Variants in THADA observed in about 807,000 individuals in gnomAD.
The protein encoded by THADA is tRNA (32-2'-O)-methyltransferase regulator THADA.
A neutral mutation model predicts 219.8 loss-of-function variants in THADA; 213 were observed. The observed-to-expected ratio is 0.97, with a 90% confidence interval of 0.87 to 1.09. The LOEUF (loss-of-function observed/expected upper bound fraction) is 1.09. THADA is among the 50% of genes least tolerant of loss of function. The pLI, the probability that THADA is intolerant of heterozygous loss-of-function variation, is 0.00. For missense variants in THADA, 2,956 were observed against 2,311.3 expected (o/e 1.28, Z -5.72); for synonymous variants, 1,018 against 828.9 (o/e 1.23, Z -3.92).
chr2:43,546,684 G>A (rs1462447693), intron 20 of THADA, among the ~76,000 whole-genome samples: 1 of 151,964 alleles, frequency 6.6e-6, no homozygotes, highest in Non-Finnish European at 1.5e-5. Context: ...CCGAGACTAG[G>A]ATTGCAACCC....
intron 29 of THADA, among the ~76,000 whole-genome samples, chr2:43,353,990 T>G (rs1668585049): frequency 6.6e-6 from 1 of 151,930 alleles, no homozygotes; most frequent in Non-Finnish European, 1.5e-5. Flanking sequence ...GCTAATTTTT[T>G]GTATTTTTAG....
chr2:43,324,368 G>A (rs1199015444), intron 30 of THADA, among the ~76,000 whole-genome samples: 3 of 152,174 alleles, frequency 2.0e-5, no homozygotes, highest in African/African-American at 7.2e-5. Flanking sequence ...GAGGCTTGGG[G>A]CCAAGTGTGA....
intron 17 of THADA, among the ~76,000 whole-genome samples, chr2:43,554,228 T>G (rs537472479): frequency 5.3e-5 from 8 of 152,208 alleles, no homozygotes; most frequent in Non-Finnish European, 1.2e-4. Flanking sequence ...TTCCAAGAAT[T>G]TTATAGTTTT....
chr2:43,495,055 T>C (rs1688096637), intron 25 of THADA, among the ~76,000 whole-genome samples: 1 of 152,178 alleles, frequency 6.6e-6, no homozygotes, highest in African/African-American at 2.4e-5. Context: ...AGAGGATGTG[T>C]ACAAATCAAA....
At chr2:43,569,972 C>T (rs899232077) in intron 14 of THADA, among the ~76,000 whole-genome samples, 3 of 152,218 alleles carry the variant, frequency 2.0e-5, no homozygotes, top group Admixed American at 6.5e-5. Flanking sequence ...GCTCCCTCCA[C>T]AGCTGGACCA....
intron 36 of THADA, among the ~76,000 whole-genome samples, chr2:43,245,029 G>C (rs143022980): frequency 6.6e-6 from 1 of 152,264 alleles, no homozygotes; most frequent in Non-Finnish European, 1.5e-5. Flanking sequence ...TCCTCTGCCT[G>C]GGCAGAGTTC....
At chr2:43,443,005 G>C (rs10445925) in intron 26 of THADA, among the ~76,000 whole-genome samples, 32,230 of 152,076 alleles carry the variant, frequency 0.21, 3,569 homozygotes, top group Middle Eastern at 0.26. Context: ...CTCAAGTCTA[G>C]CTTAGGTACC....
chr2:43,310,200 T>TCCCC (rs1677326048), intron 31 of THADA, among the ~76,000 whole-genome samples: 1 of 86,144 alleles, frequency 1.2e-5, no homozygotes, highest in African/African-American at 5.7e-5. Flanking sequence ...TTTTCTTTCC[T>TCCCC]CCCTCCCTCC....
chr2:43,454,830 A>G (rs1177896817), intron 26 of THADA, among the ~76,000 whole-genome samples: 2 of 152,228 alleles, frequency 1.3e-5, no homozygotes, highest in East Asian at 1.9e-4. Context: ...TTAAATACGA[A>G]TAAGAAGCAA....
chr2:43,581,500 C>T (rs182265982), intron 8 of THADA, among the ~76,000 whole-genome samples: 99 of 148,894 alleles, frequency 6.6e-4, no homozygotes, highest in Admixed American at 2.0e-3. Context: ...ATAAACATCA[C>T]GCCACTACAC....
chr2:43,430,371 TA>T, intron 26 of THADA, 69 bp from the exon 27 acceptor site: 4 of 783,080 alleles, frequency 5.1e-6, no homozygotes, highest in South Asian at 2.0e-5. Context: ...GCCTTTTTTT[TA>T]AAAAAAGGAA....
intron 21 of THADA, among the ~76,000 whole-genome samples, chr2:43,530,272 C>A (rs1292645937): frequency 6.6e-6 from 1 of 152,130 alleles, no homozygotes; most frequent in Non-Finnish European, 1.5e-5. Flanking sequence ...CCACATACTA[C>A]CAGTTGTCAA....
Position 43,292,843 on chromosome 2 carries a change from G to A in THADA, c.4809C>T (p.Cys1603=). Residue 1603 remains cysteine (C), a synonymous_variant, in exon 32 of 38, where the codon TGC becomes TGT. Coordinates refer to ENST00000405975, the MANE Select transcript of THADA (RefSeq NM_022065.5). The part of the protein sequence containing the change: ...LLAMKENHPE[C]FCKILKILHC... ...ACGTTGGAGACTTTACCTTGCAGAA[G>A]CATTCTGGGTGATTTTCCTTCATGG... is the stretch of plus-strand genomic sequence containing the variant. 2 of 1,612,252 alleles carry A rather than the reference G, an allele frequency of 1.2e-6. No homozygotes were observed. The highest frequency in any genetic ancestry group is 1.1e-5 in the South Asian group (1 of 91,072).
intron 36 of THADA, among the ~76,000 whole-genome samples, chr2:43,241,199 C>T (rs1343403764): frequency 6.6e-6 from 1 of 152,058 alleles, no homozygotes; most frequent in African/African-American, 2.4e-5. Flanking sequence ...AGTGGTCCTC[C>T]CACCTCAGCC....
At chr2:43,246,116 A>G (rs2104094799) in intron 36 of THADA, among the ~76,000 whole-genome samples, 1 of 152,100 alleles carries the variant, frequency 6.6e-6, no homozygotes, top group Non-Finnish European at 1.5e-5. Flanking sequence ...TAGAATCCAG[A>G]AAGTCTGCTT....
intron 36 of THADA, among the ~76,000 whole-genome samples, chr2:43,268,975 G>C (rs892209724): frequency 1.8e-4 from 27 of 152,228 alleles, no homozygotes; most frequent in Non-Finnish European, 2.9e-5. Context: ...TGACAGAGTA[G>C]TGACCCTAAC....
chr2:43,485,864 CAA>C (rs113474710), intron 25 of THADA, among the ~76,000 whole-genome samples: 12 of 134,472 alleles, frequency 8.9e-5, no homozygotes, highest in Admixed American at 1.5e-4. Flanking sequence ...ACCCCCATCT[CAA>C]AAAAAAAAAA....
intron 10 of THADA, among the ~76,000 whole-genome samples, chr2:43,575,479 G>C (rs1232605473): frequency 2.6e-5 from 4 of 152,132 alleles, no homozygotes; most frequent in Non-Finnish European, 4.4e-5. Context: ...AGGGACATAG[G>C]GAAATTTGGG....
intron 35 of THADA, among the ~76,000 whole-genome samples, chr2:43,285,640 C>T (rs767188402): frequency 2.3e-4 from 35 of 151,728 alleles, no homozygotes; most frequent in Non-Finnish European, 4.0e-4. Context: ...CTCGGCTCAC[C>T]GTAACCTCTG....
Sources: gnomAD v4.1 joint callset for allele counts (sites outside exome capture counted in the v4.1 genomes callset) on GRCh38, gnomAD v4.1.1 for gene constraint, MANE v1.5 for transcripts, NCBI Gene and HGNC (gene_info 2026-07-23, HGNC 2026-07-21) for gene names.